The following SERF2 variants were observed in gnomAD, a reference collection of about 807,000 sequenced individuals.
SERF2 encodes the protein small EDRK-rich factor 2, also known as gastric cancer-related protein VRG107.
A neutral mutation model predicts 10.7 loss-of-function variants in SERF2; 4 were observed. The ratio of observed to expected loss-of-function variants is 0.37; its 90% confidence interval spans 0.18 to 0.86. SERF2 has a LOEUF of 0.86. Ranked by LOEUF, SERF2 falls within the 40% of genes least tolerant of loss-of-function variation. SERF2 has a pLI of 0.43. For synonymous variants in SERF2, 26 were observed against 26.0 expected, an observed-to-expected ratio of 1.00 and a Z score of 0.01; for missense variants, 47 against 79.1, an observed-to-expected ratio of 0.59 and a Z score of 1.54.
chr15:43,780,574 C>T (rs923189963), intron 1 of SERF2, among the ~76,000 whole-genome samples: 1 of 152,134 alleles, frequency 6.6e-6, no homozygotes, highest in African/African-American at 2.4e-5. Flanking sequence ...CCCGATTTCC[C>T]CCTCCTCCCA....
At position 43,793,001 on chromosome 15, in the gene SERF2, C is replaced by G; in HGVS notation, c.34C>G (p.Gln12Glu). ...TRGNQRELAR[Q>E]KNMKKQSDSV... ...CGGTAACCAGCGTGAGCTCGCCCGCCAGAAGAATATGAAAAAGCAGAGCGA... is the reference window on the plus strand; with the variant it reads ...CGGTAACCAGCGTGAGCTCGCCCGCGAGAAGAATATGAAAAAGCAGAGCGA... Residue 12 changes from glutamine to glutamate, a missense_variant, in exon 2 of 3, where the codon CAG becomes GAG. Transcript: ENST00000249786. 6.2e-7 allele frequency: 1 copy of G among 1,601,684 alleles called. No individual in the cohort carries two copies. The highest frequency in any genetic ancestry group is 8.5e-7 in the Non-Finnish European group (1 of 1,172,182).
Position 43,792,959 on chromosome 15 carries a change from A to C in SERF2, c.8-16A>C, listed in dbSNP as rs2087104062. On this transcript the variant is annotated splice_polypyrimidine_tract_variant and intron_variant, in intron 1 of 2. Coordinates refer to ENST00000249786, the MANE Select transcript of SERF2 (RefSeq NM_001018108.4). ...AGAGCGGCCCCCGCGTCTCACCTTT[A>C]ATTTTCTTTCCTTAGGCGGTAACCA... 4.4e-6 allele frequency: 7 copies of C among 1,583,422 alleles called. No individual in the cohort carries two copies. In the Admixed American group the frequency reaches 1.0e-4, roughly 24 times the overall value.
intron 1 of SERF2, among the ~76,000 whole-genome samples, chr15:43,779,117 C>T (rs1440103369): frequency 6.6e-6 from 1 of 152,092 alleles, no homozygotes; most frequent in Admixed American, 6.5e-5. Flanking sequence ...TCAGGATTAG[C>T]TAAAGCCTAA....
intron 1 of SERF2, among the ~76,000 whole-genome samples, chr15:43,784,976 C>A (rs2086994273): frequency 7.2e-6 from 1 of 139,784 alleles, no homozygotes; most frequent in Non-Finnish European, 1.5e-5. Flanking sequence ...TGGTCTTGAA[C>A]TCATGACCTC....
upstream of SERF2, among the ~76,000 whole-genome samples, chr15:43,789,792 G>A (rs932299145): frequency 2.6e-5 from 4 of 152,050 alleles, no homozygotes; most frequent in Admixed American, 2.6e-4. Flanking sequence ...TAGATCACTT[G>A]AGGTCAGGAG....
intron 1 of SERF2, 97 bp from the exon 2 acceptor site, chr15:43,792,875 AGTG>A (rs2087100557): frequency 1.2e-6 from 1 of 840,096 alleles, no homozygotes; most frequent in East Asian, 2.7e-5. Flanking sequence ...CGGAGATTGA[AGTG>A]GTGTTGGATC....
chr15:43,792,430 C>T (rs746268947), intron 1 of SERF2, 47 bp downstream of exon 1: 2 of 1,613,814 alleles, frequency 1.2e-6, no homozygotes, highest in South Asian at 2.2e-5. Flanking sequence ...TCCGTTCACC[C>T]TAAACACCAC....
At chr15:43,785,787 C>A (rs1006146702) in intron 2 of SERF2, among the ~76,000 whole-genome samples, 2 of 146,840 alleles carry the variant, frequency 1.4e-5, no homozygotes, top group African/African-American at 5.1e-5. Flanking sequence ...CTCATTGCAA[C>A]CTCCGCCTCC....
At chr15:43,780,345 T>C (rs1305271003) in intron 1 of SERF2, among the ~76,000 whole-genome samples, 1 of 152,050 alleles carries the variant, frequency 6.6e-6, no homozygotes, top group Non-Finnish European at 1.5e-5. Context: ...GGTTTCGCCA[T>C]GTTAGCCAGG....
At chr15:43,783,538 G>A (rs1056878660) in intron 1 of SERF2, among the ~76,000 whole-genome samples, 1 of 149,720 alleles carries the variant, frequency 6.7e-6, no homozygotes, top group Non-Finnish European at 1.5e-5. Context: ...CTGGCCTCAA[G>A]TGATCCACTG....
Position 43,792,354 on chromosome 15 carries a change from A to C in SERF2, c.-23A>C, listed in dbSNP as rs1169934767. On this transcript the variant is annotated 5_prime_UTR_variant, in exon 1 of 3. Coordinates refer to ENST00000249786, the MANE Select transcript of SERF2 (RefSeq NM_001018108.4). ...CAGAACGAGGGGACGTAACGGAGGC[A>C]GGTTGGAGCCGCTGCCGTCGCCATG... 2 of 1,587,462 alleles carry C rather than the reference A, an allele frequency of 1.3e-6. No homozygotes were observed. Among genetic ancestry groups the C allele is most frequent in the Non-Finnish European group, 1.7e-6 (2 of 1,155,716 alleles).
chr15:43,795,134 C>G lies in SERF2; in HGVS notation c.*1361C>G. 6.2e-7 allele frequency: 1 copy of G among 1,614,038 alleles called. No individual in the cohort carries two copies. The highest frequency in any genetic ancestry group is 8.5e-7 in the Non-Finnish European group (1 of 1,180,006). On this transcript the variant is annotated 3_prime_UTR_variant, in exon 3 of 3. Transcript: ENST00000249786. ...AGCCCCAGATAGAGGAGTACGCAGGCCCAGCATGAGGCAACCTTGACCCAG... is the reference window on the plus strand; with the variant it reads ...AGCCCCAGATAGAGGAGTACGCAGGGCCAGCATGAGGCAACCTTGACCCAG...
In SERF2 at chr15:43,795,315, A is replaced by T. The variant is rs2087182860; in HGVS notation, c.*1542A>T. On this transcript the variant is annotated 3_prime_UTR_variant, in exon 3 of 3. Transcript: ENST00000249786. The stretch of plus-strand genomic sequence containing the variant: ...TAATGGCAGACCCATGTGTGTCTGG[A>T]ATGGCCTTGAATTGCTCTTTCCTTA... 6.3e-7 allele frequency: 1 copy of T among 1,596,650 alleles called. No individual in the cohort carries two copies. Among genetic ancestry groups the T allele is most frequent in the South Asian group, 1.1e-5 (1 of 90,554 alleles).
At chr15:43,792,564 GGACCA>G in intron 1 of SERF2, 181 bp downstream of exon 1, 1 of 1,478,498 alleles carries the variant, frequency 6.8e-7, no homozygotes. Flanking sequence ...CTACTTCACG[GGACCA>G]CCCTCCCGGG....
In SERF2 at chr15:43,793,793, A is replaced by T. The variant is rs773845378; in HGVS notation, c.*20A>T. The T allele has an allele frequency of 3.7e-6, 6 of 1,613,924 alleles. No individual in the cohort carries two copies. The highest frequency in any genetic ancestry group is 1.7e-5 in the Admixed American group (1 of 59,994). ...AAGTAGCTTTGTGGCTTCGTGTCCA[A>T]CCCTCTTGCCCTTCGCCTGTGTGCC... On this transcript the variant is annotated 3_prime_UTR_variant, in exon 3 of 3. Transcript: ENST00000249786.
In SERF2 at chr15:43,793,810, C is replaced by T; in HGVS notation, c.*37C>T. ...CGTGTCCAACCCTCTTGCCCTTCGC[C>T]TGTGTGCCTGGAGCCAGTCCCACCA... On this transcript the variant is annotated 3_prime_UTR_variant, in exon 3 of 3. Transcript: ENST00000249786. 6.2e-7 allele frequency: 1 copy of T among 1,614,224 alleles called. No homozygotes were observed. The highest frequency in any genetic ancestry group is 2.2e-5 in the East Asian group (1 of 44,884).
chr15:43,795,019 T>C lies in SERF2; in HGVS notation c.*1246T>C. The C allele has an allele frequency of 6.2e-7, 1 of 1,611,560 alleles. No individual in the cohort carries two copies. The highest frequency in any genetic ancestry group is 8.5e-7 in the Non-Finnish European group (1 of 1,179,610). On this transcript the variant is annotated 3_prime_UTR_variant, in exon 3 of 3. Transcript: ENST00000249786. ...AAGGACTTAGACTGGAGGATATTTG[T>C]TATCTGGGGATATGATGCGGTGGCG...
At chr15:43,777,965 T>A (rs2086934468) in intron 1 of SERF2, 2 of 7,112 alleles carry the variant, frequency 2.8e-4, no homozygotes, top group African/African-American at 2.0e-4. Context: ...AAAAAATACA[T>A]TTTTTTTTTT....
upstream of SERF2, among the ~76,000 whole-genome samples, chr15:43,790,141 CAAAAA>C (rs1181656395): frequency 6.7e-5 from 7 of 105,098 alleles, no homozygotes; most frequent in Non-Finnish European, 1.4e-4. Flanking sequence ...GACTCCATCT[CAAAAA>C]AAAAAAAAAA....
Sources: gnomAD v4.1 joint callset for allele counts (sites outside exome capture counted in the v4.1 genomes callset) on GRCh38, gnomAD v4.1.1 for gene constraint, MANE v1.5 for transcripts, NCBI Gene and HGNC (gene_info 2026-07-23, HGNC 2026-07-21) for gene names.